The following PRKCZ variants were observed in gnomAD, a reference collection of about 807,000 sequenced individuals.
PRKCZ encodes protein kinase C zeta type.
PRKCZ carries 33 observed loss-of-function variants against 79.5 expected under a neutral mutation model. The ratio of observed to expected loss-of-function variants is 0.41; its 90% CI spans 0.31 to 0.55. PRKCZ has a LOEUF of 0.55. Among genes scored for constraint, PRKCZ ranks in the 20% least tolerant of loss-of-function variants. The probability of loss-of-function intolerance (pLI) is 0.19; values close to 1 mark genes in which losing one functional copy is unlikely to be tolerated. For synonymous variants in PRKCZ, 342 were observed against 320.9 expected, an observed-to-expected ratio of 1.07 and a Z score of -0.70; for missense variants, 578 against 813.5, an observed-to-expected ratio of 0.71 and a Z score of 3.52.
intron 4 of PRKCZ, among the ~76,000 whole-genome samples, chr1:2,091,505 G>A (rs58657749): frequency 1.3e-5 from 2 of 152,084 alleles, no homozygotes; most frequent in Non-Finnish European, 2.9e-5. Context: ...CAGGAGTTAC[G>A]ATGTCTCGCC....
At chr1:2,136,374 G>A (rs1391353319) in intron 5 of PRKCZ, among the ~76,000 whole-genome samples, 2 of 152,188 alleles carry the variant, frequency 1.3e-5, no homozygotes, top group Non-Finnish European at 2.9e-5. Context: ...GGGGTGTGGT[G>A]GGAACTAGGC....
intron 3 of PRKCZ, among the ~76,000 whole-genome samples, chr1:2,058,688 G>A (rs1042782391): frequency 2.1e-4 from 32 of 152,104 alleles, no homozygotes; most frequent in African/African-American, 6.5e-4. Flanking sequence ...TTGAGGTCAG[G>A]AGTTCAAGAC....
At chr1:2,132,021 C>T (rs541545541) in intron 4 of PRKCZ, among the ~76,000 whole-genome samples, 3 of 152,268 alleles carry the variant, frequency 2.0e-5, no homozygotes, top group African/African-American at 4.8e-5. Flanking sequence ...CCGTGTTAGC[C>T]AGGATGGTCT....
At chr1:2,104,726 T>C in intron 4 of PRKCZ, 1 of 985,380 alleles carries the variant, frequency 1.0e-6, no homozygotes. Context: ...AGAACATCGC[T>C]CGGTGCCAGA....
chr1:2,060,606 G>GCGGC (rs1660587580), intron 4 of PRKCZ, among the ~76,000 whole-genome samples: 1 of 152,228 alleles, frequency 6.6e-6, no homozygotes. Flanking sequence ...CGGGGAGAGG[G>GCGGC]CGGCGTGGCA....
rs1685830215 is a variant in PRKCZ at position 2,178,081 on chromosome 1, AGGTC to A, written c.1575+2769_1575+2772del. ...CCCCCATGTGACCTTGGCAGAAGGAAGGTCCTCCTCCCATTCACCCAACGCCTGC... is the reference window on the plus strand; with the variant it reads ...CCCCCATGTGACCTTGGCAGAAGGAACTCCTCCCATTCACCCAACGCCTGC... On this transcript the variant is annotated intron_variant, in intron 16 of 17. Coordinates refer to ENST00000378567, the MANE Select transcript of PRKCZ (RefSeq NM_002744.6). The surrounding 1 kb of genome is among the most constrained non-coding windows in gnomAD (Gnocchi z 4.3). Among the ~76,000 whole-genome samples, 1 of 152,194 alleles carries A rather than the reference AGGTC, an allele frequency of 6.6e-6. No homozygotes were observed. The highest frequency in any genetic ancestry group is 6.5e-5 in the Admixed American group (1 of 15,280).
At chr1:2,157,418 T>C (rs946265160) in intron 10 of PRKCZ, among the ~76,000 whole-genome samples, 2 of 152,058 alleles carry the variant, frequency 1.3e-5, no homozygotes, top group African/African-American at 4.8e-5. Flanking sequence ...TTTTTTTTAA[T>C]GTGCTTTTCT....
At chr1:2,137,389 C>T (rs1421494639) in intron 5 of PRKCZ, among the ~76,000 whole-genome samples, 1 of 152,178 alleles carries the variant, frequency 6.6e-6, no homozygotes, top group Non-Finnish European at 1.5e-5. Flanking sequence ...AGGGCAGCGC[C>T]CTCATAGACA....
chr1:2,104,234 C>T (rs527286151), intron 4 of PRKCZ, among the ~76,000 whole-genome samples: 7 of 152,050 alleles, frequency 4.6e-5, no homozygotes, highest in Non-Finnish European at 5.9e-5. Flanking sequence ...GGGATGTGGG[C>T]GGGAGGGGAG....
chr1:2,180,801 C>T (rs936526283), intron 16 of PRKCZ, among the ~76,000 whole-genome samples: 1 of 152,168 alleles, frequency 6.6e-6, no homozygotes, highest in Non-Finnish European at 1.5e-5. Context: ...TCCCATGCTG[C>T]CCCCAGGGCA....
chr1:2,116,484 T>G (rs1000621304), intron 4 of PRKCZ, among the ~76,000 whole-genome samples: 1 of 152,188 alleles, frequency 6.6e-6, no homozygotes, highest in Admixed American at 6.5e-5. Context: ...AGTGCTTTGA[T>G]TTTTTGTGTT....
intron 4 of PRKCZ, among the ~76,000 whole-genome samples, chr1:2,113,201 C>T (rs749334610): frequency 6.6e-5 from 10 of 152,188 alleles, no homozygotes; most frequent in East Asian, 1.9e-4. Context: ...GCGAGTACCT[C>T]GATTCATGAG....
chr1:2,144,356 T>C lies in PRKCZ; in HGVS notation c.552+15T>C. 6.4e-7 allele frequency: 1 copy of C among 1,563,798 alleles called. No homozygotes were observed. On this transcript the variant is annotated intron_variant, in intron 6 of 17. Coordinates refer to ENST00000378567, the MANE Select transcript of PRKCZ (RefSeq NM_002744.6). ...GGAAGCATATGGTGAGTGGCAGGGC[T>C]GGGGAGGCCCGGGGGGCACGGGCGG...
upstream of PRKCZ, among the ~76,000 whole-genome samples, chr1:2,050,242 C>T (rs1659513037): frequency 6.6e-6 from 1 of 151,798 alleles, no homozygotes; most frequent in Non-Finnish European, 1.5e-5. Flanking sequence ...GGTAGCCCCG[C>T]CCGACAGGTA....
chr1:2,164,077 T>TA (rs1227093606), intron 10 of PRKCZ, among the ~76,000 whole-genome samples: 1 of 152,236 alleles, frequency 6.6e-6, no homozygotes, highest in African/African-American at 2.4e-5. Flanking sequence ...TGCCCTGTCT[T>TA]AGTGTGCTAC....
intron 4 of PRKCZ, among the ~76,000 whole-genome samples, chr1:2,089,532 T>G (rs1028896885): frequency 6.6e-6 from 1 of 152,146 alleles, no homozygotes; most frequent in Non-Finnish European, 1.5e-5. Flanking sequence ...AAGGACTGGT[T>G]CACAGCCAGA....
intron 4 of PRKCZ, among the ~76,000 whole-genome samples, chr1:2,121,731 C>CTTAGGGTCACGGCGGTGG: frequency 8.4e-3 from 7 of 834 alleles, no homozygotes; most frequent in African/African-American, 0.019. Context: ...CACGGCGGTA[C>CTTAGGGTCACGGCGGTGG]TTAGGGTCAC....
At chr1:2,073,707 G>T in intron 4 of PRKCZ, 2 of 999,352 alleles carry the variant, frequency 2.0e-6, no homozygotes, top group Non-Finnish European at 2.4e-6. Context: ...TACCACCCGG[G>T]CCTGGAGACA....
In PRKCZ at chr1:2,174,865, T is replaced by TG. The variant is rs781436119; in HGVS notation, c.1485+32_1485+33insG. 4.4e-6 allele frequency: 7 copies of TG among 1,604,030 alleles called. No individual in the cohort carries two copies. In the African/African-American group the frequency reaches 8.0e-5, roughly 18 times the overall value. On this transcript the variant is annotated intron_variant, in intron 15 of 17. Coordinates refer to ENST00000378567, the MANE Select transcript of PRKCZ (RefSeq NM_002744.6). The surrounding 1 kb of genome is among the most constrained non-coding windows in gnomAD (Gnocchi z 6.2). ...TTCTGGCCATGCTGACAAAATCTCG[T>TG]TTGTGGCCTCGGTGTTGGTGGGCAG...
Sources: gnomAD v4.1 joint callset for allele counts (sites outside exome capture counted in the v4.1 genomes callset) on GRCh38, gnomAD v4.1.1 for gene constraint, Gnocchi (gnomAD v3.1) non-coding constraint, MANE v1.5 for transcripts, NCBI Gene and HGNC (gene_info 2026-07-23, HGNC 2026-07-21) for gene names.